Variants in SCML4 observed in about 807,000 individuals in gnomAD.
SCML4 encodes the protein Scm polycomb group protein like 4.
Under a neutral mutation model 41.1 loss-of-function variants are expected in SCML4, and 34 were observed. The ratio of observed to expected loss-of-function variants is 0.83; its 90% CI spans 0.63 to 1.10. The LOEUF (loss-of-function observed/expected upper bound fraction) is 1.10, where lower values mean the gene tolerates loss of function less well. Ranked by LOEUF, SCML4 falls within the 50% of genes least tolerant of loss-of-function variation. SCML4 has a pLI of 0.00. For missense variants in SCML4, 522 were observed against 534.1 expected, an observed-to-expected ratio of 0.98 and a Z score of 0.22; for synonymous variants, 214 against 220.9, an observed-to-expected ratio of 0.97 and a Z score of 0.28.
chr6:107,713,294 G>A lies in SCML4; in HGVS notation c.974-5283C>T, dbSNP rs79449102. On this transcript the variant is annotated intron_variant, in intron 6 of 7. Transcript: ENST00000369020. Reference sequence around the variant, plus strand: ...GAGCGGAATTAGCAGTGAGCTGGGAGTCAGAAACCCCTGCCACCCACCAGC... The same window carrying A: ...GAGCGGAATTAGCAGTGAGCTGGGAATCAGAAACCCCTGCCACCCACCAGC... 3.5e-3 allele frequency among the ~76,000 whole-genome samples: 533 copies of A among 152,310 alleles called. 6 individuals are homozygous for A. The highest frequency in any genetic ancestry group is 0.012 in the African/African-American group (506 of 41,562).
chr6:107,756,130 T>C (rs1335293761), intron 2 of SCML4, among the ~76,000 whole-genome samples: 1 of 152,168 alleles, frequency 6.6e-6, no homozygotes, highest in African/African-American at 2.4e-5. Context: ...CTCCCTCAAG[T>C]AGGTGAAGTG....
intron 1 of SCML4, among the ~76,000 whole-genome samples, chr6:107,781,948 G>A (rs77783408): frequency 0.026 from 3,911 of 152,290 alleles, 134 homozygotes; most frequent in African/African-American, 0.078. Context: ...GACTCTGAAA[G>A]CCTGTCAAAT....
intron 5 of SCML4, among the ~76,000 whole-genome samples, chr6:107,734,524 A>G (rs1013419904): frequency 2.0e-5 from 3 of 152,262 alleles, no homozygotes; most frequent in African/African-American, 7.2e-5. Context: ...ACTGCTGGAC[A>G]TAATAGAGAA....
chr6:107,838,739 G>A, the SCML4 span, among the ~76,000 whole-genome samples: 1 of 152,140 alleles, frequency 6.6e-6, no homozygotes, highest in South Asian at 2.1e-4. Context: ...ACGGTTTGGG[G>A]ATAAATTTGT....
At chr6:107,753,072 A>AT (rs1159667716) in intron 2 of SCML4, among the ~76,000 whole-genome samples, 2 of 152,106 alleles carry the variant, frequency 1.3e-5, no homozygotes, top group Non-Finnish European at 2.9e-5. Context: ...GGATTAAAAT[A>AT]TTTTTTTGCC....
At chr6:107,846,028 G>A in the SCML4 span, among the ~76,000 whole-genome samples, 72 of 152,268 alleles carry the variant, frequency 4.7e-4, 1 homozygote, top group Non-Finnish European at 9.1e-4. Flanking sequence ...CCAGCAGCCC[G>A]GAGCCGGCCT....
chr6:107,835,058 G>A, the SCML4 span, among the ~76,000 whole-genome samples: 1 of 152,088 alleles, frequency 6.6e-6, no homozygotes, highest in Non-Finnish European at 1.5e-5. Flanking sequence ...AGAATAGATT[G>A]CTGTATAAAA....
intron 1 of SCML4, among the ~76,000 whole-genome samples, chr6:107,822,508 C>CTTTTTTTTTTTTTT (rs10677944): frequency 1.4e-5 from 2 of 137,994 alleles, no homozygotes; most frequent in African/African-American, 5.7e-5. Context: ...TTTTTCTTTT[C>CTTTTTTTTTTTTTT]TTTTTTTTTT....
intron 5 of SCML4, among the ~76,000 whole-genome samples, chr6:107,738,172 T>G (rs1329942394): frequency 6.6e-6 from 1 of 152,162 alleles, no homozygotes; most frequent in African/African-American, 2.4e-5. Context: ...GCCTCCATTC[T>G]CCTAAAACAC....
chr6:107,832,565 C>T, the SCML4 span, among the ~76,000 whole-genome samples: 1 of 152,208 alleles, frequency 6.6e-6, no homozygotes, highest in Non-Finnish European at 1.5e-5. Context: ...GACTGCCACC[C>T]GGATATGCTG....
chr6:107,790,629 A>T (rs1782253404), intron 1 of SCML4, among the ~76,000 whole-genome samples: 1 of 152,150 alleles, frequency 6.6e-6, no homozygotes, highest in Non-Finnish European at 1.5e-5. Context: ...ACGCTTACTA[A>T]ATGCAAGGCA....
At chr6:107,731,067 A>G (rs557873872) in intron 5 of SCML4, among the ~76,000 whole-genome samples, 1 of 152,242 alleles carries the variant, frequency 6.6e-6, no homozygotes, top group South Asian at 2.1e-4. Flanking sequence ...GTCAGGTGTG[A>G]GCCCCTGAAA....
intron 1 of SCML4, among the ~76,000 whole-genome samples, chr6:107,791,125 G>A (rs1051977047): frequency 2.2e-4 from 34 of 151,222 alleles, no homozygotes; most frequent in African/African-American, 8.3e-4. Context: ...AGAGGCAACA[G>A]GGATGTGTCA....
chr6:107,811,428 C>T (rs1027346812), intron 1 of SCML4, among the ~76,000 whole-genome samples: 5 of 152,222 alleles, frequency 3.3e-5, no homozygotes, highest in Admixed American at 2.0e-4. Flanking sequence ...CCTACCCCTA[C>T]TCCTCTCTCC....
chr6:107,763,817 A>C (rs980100017), intron 2 of SCML4, among the ~76,000 whole-genome samples: 4 of 152,176 alleles, frequency 2.6e-5, no homozygotes, highest in Admixed American at 6.5e-5. Flanking sequence ...CTGCACCTTG[A>C]TCTTGGACTT....
chr6:107,746,719 TGACCAGGGAGAA>T lies in SCML4; in HGVS notation c.445_456del (p.Phe149_Val152del). 6.2e-7 allele frequency: 1 copy of T among 1,614,130 alleles called. No individual in the cohort carries two copies. Among genetic ancestry groups the T allele is most frequent in the Non-Finnish European group, 8.5e-7 (1 of 1,179,998 alleles). ...ACCATCTCACCACCATAGCCCTGCT[TGACCAGGGAGAA>T]GACCAGCTTCTGCTGGTGGGCGCAG... is the stretch of plus-strand genomic sequence containing the variant. On this transcript the variant is annotated inframe_deletion, in exon 4 of 8. Transcript: ENST00000369020.
At chr6:107,712,990 T>C (rs998315178) in intron 6 of SCML4, among the ~76,000 whole-genome samples, 1 of 152,248 alleles carries the variant, frequency 6.6e-6, no homozygotes, top group Non-Finnish European at 1.5e-5. Flanking sequence ...TGCTTGGTCT[T>C]GTCATTCCCT....
At chr6:107,734,889 T>A (rs752809533) in intron 5 of SCML4, among the ~76,000 whole-genome samples, 13 of 152,158 alleles carry the variant, frequency 8.5e-5, no homozygotes, top group Non-Finnish European at 1.8e-4. Context: ...ATTGTTGTGG[T>A]TTTTGAGAAG....
At chr6:107,740,689 A>G (rs1045123658) in intron 5 of SCML4, among the ~76,000 whole-genome samples, 6 of 152,206 alleles carry the variant, frequency 3.9e-5, no homozygotes, top group African/African-American at 1.2e-4. Flanking sequence ...GAGGCCTTGG[A>G]CTGTGGAAAG....
Sources: allele counts gnomAD v4.1 joint callset (sites outside exome capture counted in the v4.1 genomes callset), GRCh38; gene constraint gnomAD v4.1.1; transcripts MANE v1.5; gene names NCBI Gene and HGNC (gene_info 2026-07-23, HGNC 2026-07-21).